CRIPT: variants seen among roughly 807,000 people sequenced by gnomAD.
The protein encoded by CRIPT is CXXC repeat containing interactor of PDZ3 domain.
Under a neutral mutation model 16.6 loss-of-function variants are expected in CRIPT, and 20 were observed. That is an observed-to-expected ratio of 1.20 (90% CI 0.85 to 1.75). The LOEUF is 1.75. CRIPT is among the 40% of genes most tolerant of loss of function. CRIPT has a pLI of 0.00. For synonymous variants in CRIPT, 42 were observed against 37.0 expected (o/e 1.14, Z -0.49); for missense variants, 133 against 115.3 (o/e 1.15, Z -0.70).
At chr2:46,618,343 G>T (rs185761501) in intron 1 of CRIPT, among the ~76,000 whole-genome samples, 2 of 151,900 alleles carry the variant, frequency 1.3e-5, no homozygotes, top group South Asian at 2.1e-4. Flanking sequence ...CACCTTGTTC[G>T]CATATCTCTT....
At position 46,623,857 on chromosome 2, in the gene CRIPT, C is replaced by A; in HGVS notation, c.231C>A (p.Ala77=). 3 of 1,596,632 alleles carry A rather than the reference C, an allele frequency of 1.9e-6. No homozygotes were observed. The highest frequency in any genetic ancestry group is 2.3e-5 in the East Asian group (1 of 44,328). Residue 77 remains alanine, a synonymous_variant, in exon 4 of 5, where the codon GCC becomes GCA. Coordinates refer to ENST00000238892, the MANE Select transcript of CRIPT (RefSeq NM_014171.6). ...GTTCTCATTACTGCCAGGGCTGTGC[C>A]TACAAAAAAGGTAAGTTTCTTTTAA... ...QPGSHYCQGC[A]YKKGICAMCG... is the part of the protein sequence containing the mutation.
rs148051424 is a variant in CRIPT, at chr2:46,618,073, C to T, written c.17-700C>T. Among the ~76,000 whole-genome samples the T allele has an allele frequency of 9.7e-3, 1,471 of 150,948 alleles. 11 individuals are homozygous for T. The highest frequency in any genetic ancestry group is 0.021 in the Middle Eastern group (6 of 292). On this transcript the variant is annotated intron_variant, in intron 1 of 4. Coordinates refer to ENST00000238892, the MANE Select transcript of CRIPT (RefSeq NM_014171.6). ...TCCTTTTTGTTCACAGTCCTATTGC[C>T]ACATATCCAAATCCTCTGTCTTGCC...
rs1405733459 is a variant in CRIPT at position 46,617,244 on chromosome 2, C to T, written c.-39C>T. 6.4e-7 allele frequency: 1 copy of T among 1,553,196 alleles called. No homozygotes were observed. Among genetic ancestry groups the T allele is most frequent in the African/African-American group, 1.4e-5 (1 of 73,534 alleles). ...TGTTGTTGTTTTCAGCCTGCTGCTG[C>T]TGCTGCTGTTGCGGCTAGGGGAACC... On this transcript the variant is annotated 5_prime_UTR_variant, in exon 1 of 5. Coordinates refer to ENST00000238892, the MANE Select transcript of CRIPT (RefSeq NM_014171.6).
At chr2:46,620,400 A>G (rs1435555237) in intron 3 of CRIPT, among the ~76,000 whole-genome samples, 2 of 149,926 alleles carry the variant, frequency 1.3e-5, no homozygotes, top group Non-Finnish European at 2.9e-5. Flanking sequence ...GTGAGCCAGG[A>G]TCGCACTACT....
rs1670921645 is a variant in CRIPT, at chr2:46,625,688, T to G, written c.*1461T>G. ...TGAGATACATTGTTATTTATTCATA[T>G]CCAGAAAAATTACAAGGATAATACA... On this transcript the variant is annotated 3_prime_UTR_variant, in exon 5 of 5. Transcript: ENST00000238892. 6.6e-6 allele frequency: 1 copy of G among 152,154 alleles called. No individual in the cohort carries two copies. Among genetic ancestry groups the G allele is most frequent in the Admixed American group, 6.5e-5 (1 of 15,272 alleles). The allele number at this position is 152,154 out of a possible 1,614,324, so 9.4% of individuals were successfully genotyped here. A position where few individuals can be genotyped will look rare whatever the true frequency, so the allele number is the denominator to read the frequency against.
chr2:46,622,080 C>T (rs1670817690), intron 3 of CRIPT, among the ~76,000 whole-genome samples: 1 of 152,126 alleles, frequency 6.6e-6, no homozygotes, highest in Non-Finnish European at 1.5e-5. Context: ...TTAAGATTTC[C>T]AAGGTTAGGC....
chr2:46,624,684 A>T lies in CRIPT; in HGVS notation c.*457A>T, dbSNP rs1006313605. On this transcript the variant is annotated 3_prime_UTR_variant, in exon 5 of 5. Transcript: ENST00000238892. ...CTAATTGCGGTTTCATAGGATATAT[A>T]AATGTTTCAAGCCATTATTGCTGAA... The T allele has an allele frequency of 3.9e-5, 6 of 152,308 alleles. No homozygotes were observed. Among genetic ancestry groups the T allele is most frequent in the African/African-American group, 1.4e-4 (6 of 41,452 alleles). The allele number at this position is 152,308 out of a possible 1,614,324, so 9.4% of individuals were successfully genotyped here. A position where few individuals can be genotyped will look rare whatever the true frequency, so the allele number is the denominator to read the frequency against.
intron 4 of CRIPT, 116 bp from the exon 5 acceptor site, chr2:46,624,047 T>TTTTTTC (rs368904876): frequency 5.1e-5 from 24 of 472,292 alleles, no homozygotes; most frequent in African/African-American, 3.5e-4. Flanking sequence ...ATATATTTTT[T>TTTTTTC]TTTTCTTTTC....
chr2:46,618,763 G>A lies in CRIPT; in HGVS notation c.17-10G>A. 1 of 1,580,234 alleles carries A rather than the reference G, an allele frequency of 6.3e-7. No individual in the cohort carries two copies. Among genetic ancestry groups the A allele is most frequent in the Non-Finnish European group, 8.7e-7 (1 of 1,154,448 alleles). On this transcript the variant is annotated splice_polypyrimidine_tract_variant and intron_variant, in intron 1 of 4. Transcript: ENST00000238892. ...AGTTTAATTTTCCTTTTACTATCTTGTTCTAACAGGTGAAAAGAAACTTGG... is the reference window on the plus strand; with the variant it reads ...AGTTTAATTTTCCTTTTACTATCTTATTCTAACAGGTGAAAAGAAACTTGG...
At chr2:46,623,548 G>C (rs967255195) in intron 3 of CRIPT, among the ~76,000 whole-genome samples, 1 of 152,122 alleles carries the variant, frequency 6.6e-6, no homozygotes, top group Non-Finnish European at 1.5e-5. Flanking sequence ...CTGTACAACT[G>C]ATTCTTTATA....
intron 3 of CRIPT, among the ~76,000 whole-genome samples, chr2:46,621,393 C>A (rs530560188): frequency 2.6e-5 from 4 of 152,204 alleles, no homozygotes; most frequent in Non-Finnish European, 5.9e-5. Context: ...TTAGAGCTTA[C>A]GTATCTGCCT....
rs1374171957 is a variant in CRIPT, at chr2:46,627,420, C to G, written c.*3193C>G. On this transcript the variant is annotated 3_prime_UTR_variant, in exon 5 of 5. Coordinates refer to ENST00000238892, the MANE Select transcript of CRIPT (RefSeq NM_014171.6). ...AGGTTTTCTTCTAGGACTCTTATAGCTTGAAGTCTTACATTTAAATCTTTT... is the reference window on the plus strand; with the variant it reads ...AGGTTTTCTTCTAGGACTCTTATAGGTTGAAGTCTTACATTTAAATCTTTT... Among the ~76,000 whole-genome samples the G allele has an allele frequency of 1.3e-5, 2 of 150,878 alleles. No homozygotes were observed. The highest frequency in any genetic ancestry group is 3.0e-5 in the Non-Finnish European group (2 of 67,796).
chr2:46,619,684 G>C lies in CRIPT; in HGVS notation c.137+3G>C. Reference sequence around the variant, plus strand: ...GCTTTGACTTCAAAAAAAGCAAGGTGGGTAAGAGGATCCATCGATGGGTCA... The same window carrying C: ...GCTTTGACTTCAAAAAAAGCAAGGTCGGTAAGAGGATCCATCGATGGGTCA... On this transcript the variant is annotated splice_donor_region_variant and intron_variant, in intron 3 of 4. Transcript: ENST00000238892. 6.2e-7 allele frequency: 1 copy of C among 1,609,366 alleles called. No homozygotes were observed. The highest frequency in any genetic ancestry group is 8.5e-7 in the Non-Finnish European group (1 of 1,177,260).
rs1170303955 is a variant in CRIPT, at chr2:46,628,607, T to A, written c.*4380T>A. Among the ~76,000 whole-genome samples the A allele has an allele frequency of 2.0e-5, 3 of 152,244 alleles. No homozygotes were observed. Among genetic ancestry groups the A allele is most frequent in the Admixed American group, 2.0e-4 (3 of 15,286 alleles). ...TGTAGTTCTTGTCCAGCTCACATTT[T>A]ATCTTCATACTTTGAGTAGCCTCCT... is the stretch of plus-strand genomic sequence containing the variant. On this transcript the variant is annotated 3_prime_UTR_variant, in exon 5 of 5. Transcript: ENST00000238892.
chr2:46,623,944 T>A, intron 4 of CRIPT, 77 bp downstream of exon 4: 2 of 1,017,580 alleles, frequency 2.0e-6, no homozygotes, highest in Non-Finnish European at 2.9e-6. Context: ...AGAAAAGATG[T>A]AGCCTGTCAT....
intron 3 of CRIPT, among the ~76,000 whole-genome samples, chr2:46,620,457 A>G (rs1439774389): frequency 6.6e-6 from 1 of 151,886 alleles, no homozygotes. Flanking sequence ...TCAGAAAAAA[A>G]ATTTCGTGAA....
In CRIPT at chr2:46,629,507, T is replaced by G. The variant is rs1239240331; in HGVS notation, c.*5280T>G. 6.6e-6 allele frequency among the ~76,000 whole-genome samples: 1 copy of G among 152,206 alleles called. No homozygotes were observed. Among genetic ancestry groups the G allele is most frequent in the African/African-American group, 2.4e-5 (1 of 41,458 alleles). On this transcript the variant is annotated 3_prime_UTR_variant, in exon 5 of 5. Coordinates refer to ENST00000238892, the MANE Select transcript of CRIPT (RefSeq NM_014171.6). ...GTTGTATTGCCATAACCCTCTAATC[T>G]GGAGCAGTTCCTCAGCTTTTCTTTG...
In CRIPT at chr2:46,626,095, C is replaced by G. The variant is rs1670932397; in HGVS notation, c.*1868C>G. On this transcript the variant is annotated 3_prime_UTR_variant, in exon 5 of 5. Transcript: ENST00000238892. ...CAGGTGGTTTTTCACCCCTTCCCTC[C>G]CCTCTTCCCTCCAGTAGTCCCCTAT... Among the ~76,000 whole-genome samples the G allele has an allele frequency of 2.6e-5, 4 of 152,058 alleles. No individual in the cohort carries two copies. The highest frequency in any genetic ancestry group is 2.6e-4 in the Admixed American group (4 of 15,252).
At chr2:46,621,519 A>G (rs998247729) in intron 3 of CRIPT, among the ~76,000 whole-genome samples, 1 of 152,176 alleles carries the variant, frequency 6.6e-6, no homozygotes. Context: ...TTTTCTCTAT[A>G]ATACTACTAT....
Sources: allele counts gnomAD v4.1 joint callset (sites outside exome capture counted in the v4.1 genomes callset), GRCh38; gene constraint gnomAD v4.1.1; transcripts MANE v1.5; gene names NCBI Gene and HGNC (gene_info 2026-07-23, HGNC 2026-07-21).